PLCB1: variants seen among roughly 807,000 people sequenced by gnomAD.
PLCB1 encodes phospholipase C beta 1.
PLCB1 carries 46 observed loss-of-function variants against 161.8 expected under a neutral mutation model. That is an observed-to-expected ratio of 0.28 (90% CI 0.22 to 0.36). The LOEUF is 0.36. Ranked by LOEUF, PLCB1 falls within the 10% of genes least tolerant of loss-of-function variation. The probability of loss-of-function intolerance (pLI) is 1.00; values close to 1 mark genes in which losing one functional copy is unlikely to be tolerated. For missense variants in PLCB1, 1,016 were observed against 1,472.5 expected (o/e 0.69, Z 5.07); for synonymous variants, 517 against 503.7 (o/e 1.03, Z -0.35).
intron 3 of PLCB1, among the ~76,000 whole-genome samples, chr20:8,397,950 A>C (rs1978365161): frequency 1.3e-5 from 2 of 151,942 alleles, no homozygotes; most frequent in Admixed American, 1.3e-4. Context: ...CATATGCAAA[A>C]GTTCAGTTTC....
intron 31 of PLCB1, among the ~76,000 whole-genome samples, chr20:8,838,768 C>T (rs951733107): frequency 6.6e-6 from 1 of 152,080 alleles, no homozygotes; most frequent in East Asian, 1.9e-4. Context: ...GTGCAGAAAA[C>T]TGGATGATGG....
intron 3 of PLCB1, among the ~76,000 whole-genome samples, chr20:8,436,964 A>G (rs1980341289): frequency 6.6e-6 from 1 of 151,916 alleles, no homozygotes; most frequent in East Asian, 1.9e-4. Context: ...TAATTTTTGT[A>G]TTTTTAGTAG....
intron 10 of PLCB1, among the ~76,000 whole-genome samples, chr20:8,692,241 A>G (rs1048164217): frequency 4.6e-5 from 7 of 152,152 alleles, no homozygotes; most frequent in African/African-American, 1.4e-4. Context: ...AGTTCTAAAA[A>G]TGATTTAAGA....
rs551834574 is a variant in PLCB1 at position 8,718,661 on chromosome 20, A to G, written c.1513+813A>G. On this transcript the variant is annotated intron_variant, in intron 14 of 31. Coordinates refer to ENST00000338037, the MANE Select transcript of PLCB1 (RefSeq NM_015192.4). ...CAGATAATCCAGGATAATTGCTCCC[A>G]TGTCAAGGTCTTTAACTCCATCTCA... is the stretch of plus-strand genomic sequence containing the variant. 2.4e-3 allele frequency among the ~76,000 whole-genome samples: 362 copies of G among 152,306 alleles called. 1 individual carries two copies. Among genetic ancestry groups the G allele is most frequent in the Non-Finnish European group, 4.1e-3 (281 of 68,022 alleles).
At chr20:8,684,874 GCGACTTGACACC>G in intron 9 of PLCB1, 46 bp from the exon 10 acceptor site, 1 of 1,365,260 alleles carries the variant, frequency 7.3e-7, no homozygotes, top group Non-Finnish European at 1.0e-6. Flanking sequence ...AAAAAAAGAG[GCGACTTGACACC>G]CATAAAAGAA....
intron 9 of PLCB1, among the ~76,000 whole-genome samples, chr20:8,684,076 A>G (rs143891776): frequency 0.042 from 6,324 of 151,212 alleles, 152 homozygotes; most frequent in South Asian, 0.061. Context: ...AGTAGAGACG[A>G]GGTTTCACCG....
chr20:8,166,877 A>G lies in PLCB1; in HGVS notation c.177+16506A>G, dbSNP rs149720946. On this transcript the variant is annotated intron_variant, in intron 2 of 31. Transcript: ENST00000338037. The stretch of plus-strand genomic sequence containing the variant: ...TGCTTGGAACACATGTTTTCTCCCC[A>G]TGGATTAGCCCCTCCCCTGCTTCAC... 1.1e-4 allele frequency among the ~76,000 whole-genome samples: 16 copies of G among 152,132 alleles called. No homozygotes were observed. The East Asian group carries it at 2.9e-3, about 28-fold the overall frequency.
At chr20:8,444,734 C>T (rs1402013839) in intron 3 of PLCB1, among the ~76,000 whole-genome samples, 2 of 152,138 alleles carry the variant, frequency 1.3e-5, no homozygotes, top group African/African-American at 4.8e-5. Context: ...TTTTAATGAT[C>T]ACCATTCTAA....
intron 2 of PLCB1, among the ~76,000 whole-genome samples, chr20:8,233,216 T>C (rs1218530205): frequency 7.3e-6 from 1 of 136,642 alleles, no homozygotes; most frequent in Non-Finnish European, 1.6e-5. Context: ...CTCCAGTGGA[T>C]ACAGTAAGAT....
At chr20:8,661,001 A>T (rs1989606702) in intron 9 of PLCB1, among the ~76,000 whole-genome samples, 1 of 152,184 alleles carries the variant, frequency 6.6e-6, no homozygotes, top group Non-Finnish European at 1.5e-5. Context: ...TACGCTTTTC[A>T]TAGATTTGAA....
intron 31 of PLCB1, among the ~76,000 whole-genome samples, chr20:8,812,612 A>G (rs774237574): frequency 6.6e-6 from 1 of 152,226 alleles, no homozygotes; most frequent in Non-Finnish European, 1.5e-5. Context: ...ACCATTTCAC[A>G]GCACAGACCT....
intron 3 of PLCB1, among the ~76,000 whole-genome samples, chr20:8,451,701 T>G (rs1418259294): frequency 6.6e-6 from 1 of 152,118 alleles, no homozygotes; most frequent in Non-Finnish European, 1.5e-5. Context: ...GCTGTTTCCT[T>G]CCTTCATCCC....
intron 3 of PLCB1, among the ~76,000 whole-genome samples, chr20:8,513,261 C>T (rs1027019321): frequency 2.0e-5 from 3 of 152,130 alleles, no homozygotes; most frequent in African/African-American, 7.2e-5. Flanking sequence ...GGAGGCCACA[C>T]AGGGATATAG....
chr20:8,510,227 G>A (rs1402075623), intron 3 of PLCB1, among the ~76,000 whole-genome samples: 1 of 152,086 alleles, frequency 6.6e-6, no homozygotes, highest in African/African-American at 2.4e-5. Context: ...ATAACAAGGA[G>A]CTTGTTTATT....
At chr20:8,821,117 A>G (rs184282925) in intron 31 of PLCB1, among the ~76,000 whole-genome samples, 223 of 152,148 alleles carry the variant, frequency 1.5e-3, no homozygotes, top group African/African-American at 5.2e-3. Flanking sequence ...ACCCTCTTTT[A>G]TATGTACTCA....
At chr20:8,663,838 C>A (rs925078577) in intron 9 of PLCB1, among the ~76,000 whole-genome samples, 1 of 152,088 alleles carries the variant, frequency 6.6e-6, no homozygotes, top group Non-Finnish European at 1.5e-5. Flanking sequence ...TATGCAATGA[C>A]CCCTGCCTCT....
In PLCB1 at chr20:8,722,441, G is replaced by C. The variant is rs765432053; in HGVS notation, c.1581+20G>C. On this transcript the variant is annotated intron_variant, in intron 15 of 31. Coordinates refer to ENST00000338037, the MANE Select transcript of PLCB1 (RefSeq NM_015192.4). Reference sequence around the variant, plus strand: ...GATGAGGTGGGTACTTAGGGCTTCTGGTCCCTAAGGCATTCCACCACCCTG... The same window carrying C: ...GATGAGGTGGGTACTTAGGGCTTCTCGTCCCTAAGGCATTCCACCACCCTG... 2.1e-5 allele frequency: 33 copies of C among 1,574,436 alleles called. No individual in the cohort carries two copies. The highest frequency in any genetic ancestry group is 2.7e-5 in the Non-Finnish European group (31 of 1,150,762).
intron 2 of PLCB1, among the ~76,000 whole-genome samples, chr20:8,366,405 C>A (rs1477339109): frequency 6.6e-6 from 1 of 152,124 alleles, no homozygotes; most frequent in African/African-American, 2.4e-5. Context: ...TGTATTTCTT[C>A]CTGAGTTTGA....
intron 1 of PLCB1, among the ~76,000 whole-genome samples, chr20:8,139,942 G>A (rs759997802): frequency 1.3e-5 from 2 of 152,144 alleles, no homozygotes; most frequent in Non-Finnish European, 2.9e-5. Context: ...GAGATATGGA[G>A]GGCAGAAACA....
Sources: gnomAD v4.1 joint callset for allele counts (sites outside exome capture counted in the v4.1 genomes callset) on GRCh38, gnomAD v4.1.1 for gene constraint, MANE v1.5 for transcripts, NCBI Gene and HGNC (gene_info 2026-07-23, HGNC 2026-07-21) for gene names.